Variants in DZIP1 observed in about 807,000 individuals in gnomAD.
DZIP1 encodes cilium assembly protein DZIP1.
DZIP1 carries 97 observed loss-of-function variants against 107.6 expected under a neutral mutation model. The ratio of observed to expected loss-of-function variants is 0.90; its 90% confidence interval spans 0.77 to 1.07. The LOEUF (loss-of-function observed/expected upper bound fraction) is 1.07. Ranked by LOEUF, DZIP1 falls within the 50% of genes least tolerant of loss-of-function variation. The pLI is 0.00. For missense variants in DZIP1, 1,035 were observed against 1,063.6 expected (o/e 0.97, Z 0.37); for synonymous variants, 390 against 386.4 (o/e 1.01, Z -0.11).
chr13:95,596,899 T>A (rs1453922247), intron 15 of DZIP1, among the ~76,000 whole-genome samples: 1 of 152,242 alleles, frequency 6.6e-6, no homozygotes, highest in African/African-American at 2.4e-5. Context: ...GCAATTAATC[T>A]GCTGCCAGTA....
chr13:95,582,541 G>A (rs776196061), intron 22 of DZIP1, among the ~76,000 whole-genome samples: 1 of 152,098 alleles, frequency 6.6e-6, no homozygotes, highest in Non-Finnish European at 1.5e-5. Context: ...TTGGATGCAA[G>A]CTTCTGCCCT....
chr13:95,638,685 C>T (rs1014487934), intron 5 of DZIP1, among the ~76,000 whole-genome samples: 2 of 151,632 alleles, frequency 1.3e-5, no homozygotes, highest in African/African-American at 4.8e-5. Context: ...GGGGAAAAAA[C>T]CCATTAGGAT....
chr13:95,624,618 T>G, intron 8 of DZIP1, 150 bp downstream of exon 8: 1 of 736,246 alleles, frequency 1.4e-6, no homozygotes, highest in Non-Finnish European at 2.3e-6. Flanking sequence ...TCACTCTGTC[T>G]CCTCTATGCC....
chr13:95,593,389 A>G (rs1055190250), intron 16 of DZIP1, among the ~76,000 whole-genome samples: 1 of 152,234 alleles, frequency 6.6e-6, no homozygotes, highest in Non-Finnish European at 1.5e-5. Flanking sequence ...TTTTATAAAC[A>G]TATAAACTAA....
At chr13:95,587,186 G>A (rs892930763) in intron 20 of DZIP1, among the ~76,000 whole-genome samples, 1 of 152,156 alleles carries the variant, frequency 6.6e-6, no homozygotes, top group African/African-American at 2.4e-5. Context: ...CAGAGGCGCG[G>A]AACAGACCCT....
At chr13:95,630,597 G>A in intron 6 of DZIP1, 1 of 611,446 alleles carries the variant, frequency 1.6e-6, no homozygotes, top group Non-Finnish European at 2.3e-6. Flanking sequence ...GGACTTGGGG[G>A]GCATTCAAAA....
rs1006448357 is a variant in DZIP1, at chr13:95,630,692, A to G, written c.686-579T>C. 18 of 1,216,002 alleles carry G rather than the reference A, an allele frequency of 1.5e-5. No homozygotes were observed. In the African/African-American group the frequency reaches 2.7e-4, roughly 18 times the overall value. The allele number at this position is 1,216,002 out of a possible 1,614,324, so 75.3% of individuals were successfully genotyped here. ...AAGGAAGCAACAAGTGAAAGGAAGAATACTTATGTACATGTACTTACATGC... is the reference window on the plus strand; with the variant it reads ...AAGGAAGCAACAAGTGAAAGGAAGAGTACTTATGTACATGTACTTACATGC... On this transcript the variant is annotated intron_variant, in intron 6 of 22. Transcript: ENST00000376829.
In DZIP1 at chr13:95,589,843, TA is replaced by T. The variant is rs775397907; in HGVS notation, c.1932del (p.Arg645AspfsTer73). ...CTATCAGTAGAAACAGCTTTTTGTC[TA>T]ATCAGTTGTCTGTTTTTGGAAGGAA... ...IQLPSKNRQL[I>X]RQKAVSTDRT... On this transcript the variant is annotated frameshift_variant, in exon 18 of 23. Coordinates refer to ENST00000376829, the MANE Select transcript of DZIP1 (RefSeq NM_198968.4). LOFTEE classifies it high-confidence loss of function. 1 of 1,614,192 alleles carries T rather than the reference TA, an allele frequency of 6.2e-7. No homozygotes were observed. Among genetic ancestry groups the T allele is most frequent in the Non-Finnish European group, 8.5e-7 (1 of 1,180,030 alleles).
chr13:95,630,721 T>C (rs1460319369), intron 6 of DZIP1: 1 of 1,261,892 alleles, frequency 7.9e-7, no homozygotes, highest in Non-Finnish European at 1.0e-6. Context: ...TACATGCAGA[T>C]GTACACATGA....
chr13:95,586,023 C>A lies in DZIP1; in HGVS notation c.2332G>T (p.Glu778Ter). The change falls in exon 21 of 23, where the codon GAA becomes TAA. Residue 778 changes from glutamate (E) to a stop codon, truncating the protein, a stop_gained. Coordinates refer to ENST00000376829, the MANE Select transcript of DZIP1 (RefSeq NM_198968.4). LOFTEE classifies it high-confidence loss of function. ...NVPEMFIKKE[E>*]LQELKCADVE... ...GATTTCACCTTTAGTTCTTGTAATT[C>A]TTCTTTTTTGATAAACATCTCAGGG... 1 of 1,600,252 alleles carries A rather than the reference C, an allele frequency of 6.2e-7. No individual in the cohort carries two copies. The highest frequency in any genetic ancestry group is 8.5e-7 in the Non-Finnish European group (1 of 1,175,994).
At chr13:95,585,897 T>C (rs1016585450) in intron 21 of DZIP1, 109 bp downstream of exon 21, 1 of 1,140,592 alleles carries the variant, frequency 8.8e-7, no homozygotes, top group African/African-American at 1.6e-5. Context: ...TCTCAACCTC[T>C]ACTCTACCAG....
In DZIP1 at chr13:95,578,788, CAT is replaced by C. The variant is rs2043974426; in HGVS notation, c.*3444_*3445del. The C allele has an allele frequency of 2.6e-5, 4 of 152,174 alleles. No homozygotes were observed. The highest frequency in any genetic ancestry group is 5.9e-5 in the Non-Finnish European group (4 of 68,038). The allele number at this position is 152,174 out of a possible 1,614,324, so 9.4% of individuals were successfully genotyped here. A position where few individuals can be genotyped will look rare whatever the true frequency, so the allele number is the denominator to read the frequency against. ...CATAAACGATGCTGTGATGAAGACT[CAT>C]GTACATATTTAGCAAATTTTGGTTT... On this transcript the variant is annotated 3_prime_UTR_variant, in exon 23 of 23. Coordinates refer to ENST00000376829, the MANE Select transcript of DZIP1 (RefSeq NM_198968.4).
Position 95,635,048 on chromosome 13 carries a change from A to T in DZIP1, c.598-1727T>A, listed in dbSNP as rs373204565. ...CTGAAGGGGCTGAAGCTTGTCCTGCAGAGTTTCCCTCCATTTGGATTTTGC... is the reference window on the plus strand; with the variant it reads ...CTGAAGGGGCTGAAGCTTGTCCTGCTGAGTTTCCCTCCATTTGGATTTTGC... On this transcript the variant is annotated intron_variant, in intron 5 of 22. Transcript: ENST00000376829. 1.5e-3 allele frequency among the ~76,000 whole-genome samples: 224 copies of T among 152,154 alleles called. 1 individual carries two copies. In the South Asian group the frequency reaches 0.016, roughly 11 times the overall value.
chr13:95,596,559 TC>T (rs2044463084), intron 15 of DZIP1, among the ~76,000 whole-genome samples: 1 of 152,196 alleles, frequency 6.6e-6, no homozygotes, highest in Non-Finnish European at 1.5e-5. Context: ...AGCTTCCCTT[TC>T]TCCATTTGCT....
At chr13:95,597,933 C>A (rs1328827221) in intron 15 of DZIP1, among the ~76,000 whole-genome samples, 3 of 152,102 alleles carry the variant, frequency 2.0e-5, no homozygotes, top group Non-Finnish European at 1.5e-5. Flanking sequence ...TGCAGGATCT[C>A]GTTTGATGCC....
Position 95,630,119 on chromosome 13 carries a change from G to A in DZIP1, c.686-6C>T, listed in dbSNP as rs1218723133. The A allele has an allele frequency of 1.2e-6, 2 of 1,608,184 alleles. No individual in the cohort carries two copies. The highest frequency in any genetic ancestry group is 1.7e-6 in the Non-Finnish European group (2 of 1,177,664). On this transcript the variant is annotated splice_region_variant and splice_polypyrimidine_tract_variant and intron_variant, in intron 6 of 22. Transcript: ENST00000376829. ...CTGTGCATTTTTCTGATACTCTGTT[G>A]CAACAGAAAATCGTGTTAAAACACC... is the stretch of plus-strand genomic sequence containing the variant.
Position 95,641,142 on chromosome 13 carries a change from T to A in DZIP1, c.597+153A>T, listed in dbSNP as rs926965857. The stretch of plus-strand genomic sequence containing the variant: ...GAAGGTAATGAACCATGACATTTGT[T>A]GGTTAAATGACTGTTTTTGCTTAAA... On this transcript the variant is annotated intron_variant, in intron 5 of 22. Coordinates refer to ENST00000376829, the MANE Select transcript of DZIP1 (RefSeq NM_198968.4). This position sits in a 1 kb window ranked among gnomAD's most constrained non-coding sequence, Gnocchi z 4.3. 2.0e-5 allele frequency among the ~76,000 whole-genome samples: 3 copies of A among 152,184 alleles called. No homozygotes were observed. The highest frequency in any genetic ancestry group is 7.2e-5 in the African/African-American group (3 of 41,434).
chr13:95,638,877 C>T (rs530698035), intron 5 of DZIP1, among the ~76,000 whole-genome samples: 10 of 152,256 alleles, frequency 6.6e-5, no homozygotes, highest in East Asian at 5.8e-4. Flanking sequence ...ACTGATAATG[C>T]GGTGGACCCA....
chr13:95,620,784 A>T (rs965759642), intron 9 of DZIP1, among the ~76,000 whole-genome samples: 3 of 152,224 alleles, frequency 2.0e-5, no homozygotes, highest in African/African-American at 4.8e-5. Context: ...TTCTGAACTG[A>T]CAACACAACT....
Sources: gnomAD v4.1 joint callset for allele counts (sites outside exome capture counted in the v4.1 genomes callset) on GRCh38, gnomAD v4.1.1 for gene constraint, Gnocchi (gnomAD v3.1) non-coding constraint, MANE v1.5 for transcripts, NCBI Gene and HGNC (gene_info 2026-07-23, HGNC 2026-07-21) for gene names.